SCARB1: variants seen among roughly 807,000 people sequenced by gnomAD.
SCARB1 encodes CD36 and LIMPII analogous 1.
SCARB1 carries 30 observed loss-of-function variants against 57.2 expected under a neutral mutation model. The observed-to-expected ratio is 0.52, with a 90% CI of 0.39 to 0.71. The LOEUF is 0.71. Among genes scored for constraint, SCARB1 ranks in the 30% least tolerant of loss-of-function variants. The probability of loss-of-function intolerance (pLI) is 0.00; values close to 1 mark genes in which losing one functional copy is unlikely to be tolerated. For missense variants in SCARB1, 543 were observed against 671.2 expected, an observed-to-expected ratio of 0.81 and a Z score of 2.11; for synonymous variants, 249 against 268.3, an observed-to-expected ratio of 0.93 and a Z score of 0.70.
intron 1 of SCARB1, among the ~76,000 whole-genome samples, chr12:124,820,282 C>T (rs1211190963): frequency 1.3e-5 from 2 of 152,136 alleles, no homozygotes; most frequent in African/African-American, 4.8e-5. Flanking sequence ...GAGGCAGCCA[C>T]CTCCACTATT....
intron 1 of SCARB1, among the ~76,000 whole-genome samples, chr12:124,843,091 C>A (rs1186862344): frequency 6.6e-6 from 1 of 152,226 alleles, no homozygotes; most frequent in Non-Finnish European, 1.5e-5. Context: ...GTGCTGTGAT[C>A]TTTCCAGAAG....
intron 10 of SCARB1, 73 bp downstream of exon 10, chr12:124,787,333 C>G (rs753052602): frequency 3.4e-5 from 49 of 1,421,368 alleles, no homozygotes; most frequent in Non-Finnish European, 4.8e-5. Flanking sequence ...AGCTGCTCCC[C>G]CCGCCTCCTG....
chr12:124,850,692 A>T (rs774069232), intron 1 of SCARB1, among the ~76,000 whole-genome samples: 19 of 152,228 alleles, frequency 1.2e-4, no homozygotes, highest in Non-Finnish European at 1.5e-5. Context: ...GTAAGTAAAT[A>T]TAAGTAAATA....
rs1950474351 is a variant in SCARB1, at chr12:124,810,276, T to C, written c.740A>G (p.His247Arg). 3.7e-6 allele frequency: 6 copies of C among 1,613,520 alleles called. No homozygotes were observed. Among genetic ancestry groups the C allele is most frequent in the Non-Finnish European group, 4.2e-6 (5 of 1,179,600 alleles). ...WNGLSKVDFW[H>R]SDQCNMINGT... is the part of the protein sequence containing the mutation. ...ATTGATCATGTTGCACTGATCGGAATGCCAGAAGTCAACCTGGGGGGAAGC... is the reference window on the plus strand; with the variant it reads ...ATTGATCATGTTGCACTGATCGGAACGCCAGAAGTCAACCTGGGGGGAAGC... The change falls in exon 6 of 13, where the codon CAT (histidine) becomes CGT (arginine). Residue 247 changes from histidine to arginine, a missense_variant. Transcript: ENST00000261693. This position sits in a 1 kb window ranked among gnomAD's most constrained non-coding sequence, Gnocchi z 4.0.
chr12:124,777,086 C>G lies in SCARB1; in HGVS notation c.*1501G>C, dbSNP rs1032869741. 1 of 152,104 alleles carries G rather than the reference C, an allele frequency of 6.6e-6. No individual in the cohort carries two copies. The highest frequency in any genetic ancestry group is 1.5e-5 in the Non-Finnish European group (1 of 68,022). The allele number at this position is 152,104 out of a possible 1,614,324, so 9.4% of individuals were successfully genotyped here. A position where few individuals can be genotyped will look rare whatever the true frequency, so the allele number is the denominator to read the frequency against. On this transcript the variant is annotated 3_prime_UTR_variant, in exon 13 of 13. Transcript: ENST00000261693. ...CTCTCCTCTCCTAGTTAGATCCCAG[C>G]GGGCACACTTAAATACTGATGAAAT... is the stretch of plus-strand genomic sequence containing the variant.
In SCARB1 at chr12:124,797,128, T is replaced by C. The variant is rs116110309; in HGVS notation, c.1129-1860A>G. 4.9e-3 allele frequency among the ~76,000 whole-genome samples: 744 copies of C among 152,252 alleles called. 3 individuals are homozygous for C. Among genetic ancestry groups the C allele is most frequent in the African/African-American group, 0.017 (691 of 41,532 alleles). ...TCCCTGCTAGACAACATCTCCTACA[T>C]GTTGTCACAACTCATTGCTAAAGAC... On this transcript the variant is annotated intron_variant, in intron 8 of 12. Transcript: ENST00000261693.
intron 1 of SCARB1, among the ~76,000 whole-genome samples, chr12:124,829,941 C>G (rs989486625): frequency 3.9e-5 from 6 of 152,194 alleles, no homozygotes; most frequent in Admixed American, 2.0e-4. Flanking sequence ...GATAAGTCCC[C>G]CTTCCTGCTG....
Position 124,778,113 on chromosome 12 carries a change from A to G in SCARB1, c.*474T>C, listed in dbSNP as rs1872678234. 9.3e-6 allele frequency: 2 copies of G among 215,580 alleles called. No individual in the cohort carries two copies. Among genetic ancestry groups the G allele is most frequent in the Admixed American group, 1.2e-4 (2 of 16,936 alleles). 13.4% of individuals were successfully genotyped at this position (215,580 alleles called of 1,614,324 possible). A position where few individuals can be genotyped will look rare whatever the true frequency, so the allele number is the denominator to read the frequency against. On this transcript the variant is annotated 3_prime_UTR_variant, in exon 13 of 13. Transcript: ENST00000261693. ...GCCAGGGCCTGGGCACTGAGTCCCCACTGAATTTGGCACAGGAAGGCGGCA... is the reference window on the plus strand; with the variant it reads ...GCCAGGGCCTGGGCACTGAGTCCCCGCTGAATTTGGCACAGGAAGGCGGCA...
At chr12:124,794,212 G>T (rs911217580) in intron 9 of SCARB1, among the ~76,000 whole-genome samples, 21 of 152,146 alleles carry the variant, frequency 1.4e-4, no homozygotes, top group Admixed American at 6.5e-4. Context: ...AAAATTGATT[G>T]TGGTGATAGA....
rs146702365 is a variant in SCARB1, at chr12:124,823,962, C to A, written c.127-6255G>T. ...AGTGGATCACCTGAGGTCAGGAGTT[C>A]AAGACCAGCCTGGCCAACATGGTGA... On this transcript the variant is annotated intron_variant, in intron 1 of 12. Coordinates refer to ENST00000261693, the MANE Select transcript of SCARB1 (RefSeq NM_005505.5). Among the ~76,000 whole-genome samples the A allele has an allele frequency of 3.7e-3, 562 of 151,488 alleles. 3 individuals carry two copies. The highest frequency in any genetic ancestry group is 0.013 in the African/African-American group (524 of 41,258).
intron 9 of SCARB1, among the ~76,000 whole-genome samples, chr12:124,792,316 C>T (rs1050828222): frequency 6.6e-6 from 1 of 152,106 alleles, no homozygotes; most frequent in African/African-American, 2.4e-5. Context: ...AGACCACTTT[C>T]CTGGAGTGCC....
At chr12:124,861,496 C>T (rs1952898995) in intron 1 of SCARB1, among the ~76,000 whole-genome samples, 1 of 152,002 alleles carries the variant, frequency 6.6e-6, no homozygotes. Context: ...AAAATAAAAG[C>T]ACAAGGCCTC....
intron 7 of SCARB1, among the ~76,000 whole-genome samples, chr12:124,803,732 TA>T (rs1286135273): frequency 2.8e-5 from 2 of 70,332 alleles, no homozygotes; most frequent in Non-Finnish European, 6.9e-5. Context: ...TAAGATAAAA[TA>T]AATTAGCCAG....
chr12:124,826,810 A>G (rs1951180443), intron 1 of SCARB1, among the ~76,000 whole-genome samples: 1 of 152,162 alleles, frequency 6.6e-6, no homozygotes, highest in Admixed American at 6.5e-5. Flanking sequence ...AAAAGGCTAA[A>G]GAAAGAAACA....
intron 1 of SCARB1, among the ~76,000 whole-genome samples, chr12:124,837,727 C>A (rs1268486456): frequency 1.5e-5 from 2 of 132,068 alleles, no homozygotes. Flanking sequence ...CCCTACACAC[C>A]CACCCACCAA....
At chr12:124,827,849 C>T (rs73415457) in intron 1 of SCARB1, among the ~76,000 whole-genome samples, 17,455 of 152,126 alleles carry the variant, frequency 0.11, 2,338 homozygotes, top group East Asian at 0.48. Context: ...TTCGAGCACA[C>T]GGTATAATTA....
At chr12:124,837,472 A>AAAGGAAGGAAGGAAGGAAGGAAGG (rs199725164) in intron 1 of SCARB1, among the ~76,000 whole-genome samples, 47 of 72,590 alleles carry the variant, frequency 6.5e-4, no homozygotes, top group African/African-American at 1.7e-3. Context: ...AGAAAGAAAG[A>AAAGGAAGGAAGGAAGGAAGGAAGG]AAGGAAGGAA....
chr12:124,806,649 C>T (rs1950333399), intron 7 of SCARB1, among the ~76,000 whole-genome samples: 1 of 152,190 alleles, frequency 6.6e-6, no homozygotes, highest in Non-Finnish European at 1.5e-5. Context: ...AATCCCATTG[C>T]TTTAACACGC....
chr12:124,784,510 C>G (rs1222383895), intron 11 of SCARB1: 3 of 152,252 alleles, frequency 2.0e-5, no homozygotes, highest in African/African-American at 7.2e-5. Context: ...GTCTGAAAGC[C>G]AAGGTGAAGA....
Sources: allele counts gnomAD v4.1 joint callset (sites outside exome capture counted in the v4.1 genomes callset), GRCh38; gene constraint gnomAD v4.1.1; non-coding constraint Gnocchi (gnomAD v3.1); transcripts MANE v1.5; gene names NCBI Gene and HGNC (gene_info 2026-07-23, HGNC 2026-07-21).